LOC128706665: variants seen among roughly 807,000 people sequenced by gnomAD.
the LOC128706665 span, among the ~76,000 whole-genome samples, chr20:10,425,892 C>G: frequency 6.6e-6 from 1 of 152,020 alleles, no homozygotes; most frequent in East Asian, 1.9e-4. Flanking sequence ...AAAAAAGACT[C>G]CTTTAGAAGG....
chr20:10,430,716 A>C, the LOC128706665 span, among the ~76,000 whole-genome samples: 7 of 152,364 alleles, frequency 4.6e-5, no homozygotes, highest in East Asian at 1.2e-3. Context: ...GATAACTGTC[A>C]AGCTTCTAAA....
the LOC128706665 span, among the ~76,000 whole-genome samples, chr20:10,433,591 G>A: frequency 6.6e-6 from 1 of 152,344 alleles, no homozygotes; most frequent in African/African-American, 2.4e-5. Context: ...CATGACCTTA[G>A]AGGGTCATCC....
chr20:10,417,416 G>A, the LOC128706665 span, among the ~76,000 whole-genome samples: 1 of 152,120 alleles, frequency 6.6e-6, no homozygotes, highest in South Asian at 2.1e-4. Context: ...TTTGAGACCA[G>A]CCTGGGCAAC....
chr20:10,432,390 GA>G, the LOC128706665 span, among the ~76,000 whole-genome samples: 1 of 152,300 alleles, frequency 6.6e-6, no homozygotes, highest in South Asian at 2.1e-4. Context: ...GGACAATCTA[GA>G]AACATCTTGC....
the LOC128706665 span, among the ~76,000 whole-genome samples, chr20:10,433,600 C>A: frequency 6.6e-6 from 1 of 152,210 alleles, no homozygotes; most frequent in African/African-American, 2.4e-5. Flanking sequence ...AGAGGGTCAT[C>A]CCTACAAGGT....
At chr20:10,415,412 T>C in the LOC128706665 span, among the ~76,000 whole-genome samples, 9 of 152,216 alleles carry the variant, frequency 5.9e-5, no homozygotes, top group Non-Finnish European at 8.8e-5. Context: ...GCAAATGTTA[T>C]TTTGGTTACC....
the LOC128706665 span, among the ~76,000 whole-genome samples, chr20:10,428,506 T>G: frequency 6.6e-6 from 1 of 152,226 alleles, no homozygotes; most frequent in Non-Finnish European, 1.5e-5. Context: ...TGAACACCTC[T>G]AACTTGTTGT....
the LOC128706665 span, among the ~76,000 whole-genome samples, chr20:10,414,970 TAAC>T: frequency 6.6e-6 from 1 of 152,202 alleles, no homozygotes; most frequent in Non-Finnish European, 1.5e-5. Flanking sequence ...ATATGCTGGA[TAAC>T]AACAACAATA....
the LOC128706665 span, among the ~76,000 whole-genome samples, chr20:10,431,137 GTA>G: frequency 6.6e-6 from 1 of 152,102 alleles, no homozygotes; most frequent in Non-Finnish European, 1.5e-5. Context: ...TTTATTGGGA[GTA>G]TATTATCTTA....
At chr20:10,422,499 G>A in the LOC128706665 span, among the ~76,000 whole-genome samples, 6 of 152,232 alleles carry the variant, frequency 3.9e-5, no homozygotes, top group East Asian at 1.2e-3. Context: ...TTAGAGTAAG[G>A]AGGGAAGAAT....
At chr20:10,432,789 C>CA in the LOC128706665 span, among the ~76,000 whole-genome samples, 16,105 of 74,274 alleles carry the variant, frequency 0.22, 3,263 homozygotes, top group Non-Finnish European at 0.26. Context: ...GACTCTTTGT[C>CA]AAAAAAAAAA....
the LOC128706665 span, among the ~76,000 whole-genome samples, chr20:10,414,422 T>C: frequency 6.6e-6 from 1 of 152,054 alleles, no homozygotes; most frequent in Non-Finnish European, 1.5e-5. Flanking sequence ...TGCGCCACCA[T>C]GCCCAGCTAA....
At chr20:10,429,464 C>T in the LOC128706665 span, among the ~76,000 whole-genome samples, 2 of 152,160 alleles carry the variant, frequency 1.3e-5, no homozygotes, top group African/African-American at 2.4e-5. Flanking sequence ...CAGCTTAGAC[C>T]CACATAATAA....
the LOC128706665 span, chr20:10,431,790 C>G: frequency 6.6e-6 from 1 of 152,170 alleles, no homozygotes; most frequent in Non-Finnish European, 1.5e-5. Flanking sequence ...ATTCCTAGTG[C>G]GTAGCAGAAA....
At chr20:10,423,336 G>A in the LOC128706665 span, among the ~76,000 whole-genome samples, 1 of 152,018 alleles carries the variant, frequency 6.6e-6, no homozygotes, top group African/African-American at 2.4e-5. Flanking sequence ...TAGGAGGATC[G>A]CTTGGACCTT....
the LOC128706665 span, among the ~76,000 whole-genome samples, chr20:10,428,929 CTG>C: frequency 1.3e-5 from 2 of 152,202 alleles, no homozygotes; most frequent in Non-Finnish European, 2.9e-5. Context: ...CCACTTTCTA[CTG>C]TGTCTTTGGG....
chr20:10,415,381 G>C, the LOC128706665 span, among the ~76,000 whole-genome samples: 1 of 152,100 alleles, frequency 6.6e-6, no homozygotes, highest in African/African-American at 2.4e-5. Flanking sequence ...CAAAGAGGTG[G>C]GCAGAACAAG....
chr20:10,414,841 G>C, the LOC128706665 span, among the ~76,000 whole-genome samples: 1 of 152,114 alleles, frequency 6.6e-6, no homozygotes, highest in African/African-American at 2.4e-5. Context: ...CCTGGCTAAA[G>C]TCAGAGCTAA....
chr20:10,417,485 C>T, the LOC128706665 span, among the ~76,000 whole-genome samples: 60 of 152,256 alleles, frequency 3.9e-4, no homozygotes, highest in African/African-American at 1.4e-3. Flanking sequence ...GTGGCGGATG[C>T]CTATAGTCCC....
Sources: gnomAD v4.1 joint callset for allele counts (sites outside exome capture counted in the v4.1 genomes callset) on GRCh38, gnomAD v4.1.1 for gene constraint, MANE v1.5 for transcripts.